The following CHST11 variants were observed in gnomAD, a reference collection of about 807,000 sequenced individuals.
CHST11 encodes carbohydrate sulfotransferase 11.
A neutral mutation model predicts 30.4 loss-of-function variants in CHST11; 9 were observed. That is an observed-to-expected ratio of 0.30 (90% CI 0.18 to 0.52). CHST11 has a LOEUF of 0.52. CHST11 is among the 20% of genes least tolerant of loss of function. CHST11 has a pLI of 0.97. For synonymous variants in CHST11, 152 were observed against 187.8 expected (o/e 0.81, Z 1.56); for missense variants, 348 against 460.6 (o/e 0.76, Z 2.24).
At chr12:104,580,349 T>C (rs930990558) in intron 1 of CHST11, among the ~76,000 whole-genome samples, 14 of 152,218 alleles carry the variant, frequency 9.2e-5, no homozygotes, top group African/African-American at 3.4e-4. Flanking sequence ...CTGGCTGATA[T>C]AGTAAAGCAT....
chr12:104,535,223 C>T (rs1244953866), intron 1 of CHST11, among the ~76,000 whole-genome samples: 1 of 152,120 alleles, frequency 6.6e-6, no homozygotes, highest in Non-Finnish European at 1.5e-5. Context: ...TTGATATTCT[C>T]ATAGAGATGC....
chr12:104,613,201 A>G (rs1381335415), intron 2 of CHST11, among the ~76,000 whole-genome samples: 2 of 143,238 alleles, frequency 1.4e-5, no homozygotes, highest in African/African-American at 4.9e-5. Flanking sequence ...CCTGTCTCAA[A>G]AAGAAAAAAA....
intron 1 of CHST11, among the ~76,000 whole-genome samples, chr12:104,539,947 T>C (rs2038271601): frequency 1.3e-5 from 2 of 152,176 alleles, no homozygotes; most frequent in Non-Finnish European, 2.9e-5. Flanking sequence ...GTGCTGGGAT[T>C]ACAAGTGTGA....
intron 2 of CHST11, among the ~76,000 whole-genome samples, chr12:104,607,462 G>A (rs144873204): frequency 3.3e-5 from 5 of 152,332 alleles, no homozygotes; most frequent in Admixed American, 3.3e-4. Context: ...AACCTGATAA[G>A]CGGTATATAA....
At chr12:104,687,609 G>A (rs181970114) in intron 2 of CHST11, among the ~76,000 whole-genome samples, 12 of 152,298 alleles carry the variant, frequency 7.9e-5, no homozygotes, top group Non-Finnish European at 1.3e-4. Flanking sequence ...CCTGGGCAGT[G>A]AGGAGGTACT....
intron 2 of CHST11, among the ~76,000 whole-genome samples, chr12:104,748,588 T>G (rs2040406435): frequency 6.8e-6 from 1 of 146,872 alleles, no homozygotes; most frequent in Non-Finnish European, 1.5e-5. Context: ...ACCTGGGGAG[T>G]GGAGTCGGGG....
chr12:104,747,227 G>T (rs992457337), intron 2 of CHST11, among the ~76,000 whole-genome samples: 8 of 152,192 alleles, frequency 5.3e-5, no homozygotes, highest in African/African-American at 1.9e-4. Flanking sequence ...CTCCCGGGTG[G>T]GTCTCCAGAC....
Position 104,618,226 on chromosome 12 carries a change from T to C in CHST11, c.204+16235T>C, listed in dbSNP as rs563510507. On this transcript the variant is annotated intron_variant, in intron 2 of 2. Coordinates refer to ENST00000303694, the MANE Select transcript of CHST11 (RefSeq NM_018413.6). ...CTGGCTTCTTCTTCTTTTCTTTTCT[T>C]TTTTTTTTTTTTTTTAAAGCAGGGT... Among the ~76,000 whole-genome samples the C allele has an allele frequency of 1.9e-4, 28 of 144,388 alleles. No homozygotes were observed. The East Asian group carries it at 2.4e-3, about 12-fold the overall frequency. The allele number at this position is 144,388 out of a possible 152,430, so 94.7% of individuals were successfully genotyped here. A position where few individuals can be genotyped will look rare whatever the true frequency, so the allele number is the denominator to read the frequency against.
chr12:104,516,561 C>A (rs1279796774), intron 1 of CHST11, among the ~76,000 whole-genome samples: 2 of 151,960 alleles, frequency 1.3e-5, no homozygotes, highest in African/African-American at 4.8e-5. Context: ...AGTGCCTGAG[C>A]CCCTGAGTCC....
chr12:104,536,970 A>T (rs2038243301), intron 1 of CHST11, among the ~76,000 whole-genome samples: 1 of 152,228 alleles, frequency 6.6e-6, no homozygotes, highest in South Asian at 2.1e-4. Context: ...CAGAGGCAGC[A>T]GTCCTAATAA....
intron 1 of CHST11, among the ~76,000 whole-genome samples, chr12:104,495,623 A>T (rs2037791869): frequency 6.6e-6 from 1 of 152,186 alleles, no homozygotes. Context: ...AAAATTGATA[A>T]CTACTATTTA....
Position 104,625,291 on chromosome 12 carries a change from CA to C in CHST11, c.204+23301del, listed in dbSNP as rs138017209. Among the ~76,000 whole-genome samples the C allele has an allele frequency of 8.3e-3, 1,259 of 152,244 alleles. 20 individuals carry two copies. Among genetic ancestry groups the C allele is most frequent in the African/African-American group, 0.029 (1,195 of 41,528 alleles). ...GCCTGACTCTGCTATTCAGAGATGC[CA>C]GTGACCATCCTTTTTCTTTTTCTTT... is the stretch of plus-strand genomic sequence containing the variant. On this transcript the variant is annotated intron_variant, in intron 2 of 2. Coordinates refer to ENST00000303694, the MANE Select transcript of CHST11 (RefSeq NM_018413.6).
At chr12:104,714,468 G>GA (rs1180221755) in intron 2 of CHST11, among the ~76,000 whole-genome samples, 5 of 152,218 alleles carry the variant, frequency 3.3e-5, no homozygotes, top group Non-Finnish European at 7.3e-5. Flanking sequence ...GCAAAGGTCA[G>GA]AAGCCTGATG....
intron 1 of CHST11, among the ~76,000 whole-genome samples, chr12:104,506,724 G>T (rs76345205): frequency 0.024 from 3,622 of 152,284 alleles, 142 homozygotes; most frequent in East Asian, 0.17. Flanking sequence ...AGGCGGGAGG[G>T]CTAAGAGGAC....
intron 2 of CHST11, among the ~76,000 whole-genome samples, chr12:104,641,360 T>A (rs1467437286): frequency 1.3e-5 from 2 of 152,180 alleles, no homozygotes; most frequent in African/African-American, 2.4e-5. Flanking sequence ...CTGTAACACT[T>A]CTTCCGGGGC....
At chr12:104,553,683 A>T (rs963206988) in intron 1 of CHST11, among the ~76,000 whole-genome samples, 1 of 151,972 alleles carries the variant, frequency 6.6e-6, no homozygotes, top group African/African-American at 2.4e-5. Flanking sequence ...CATGGGGGGA[A>T]ATCTGCCCCC....
intron 1 of CHST11, among the ~76,000 whole-genome samples, chr12:104,563,683 C>T (rs899169768): frequency 1.3e-5 from 2 of 152,006 alleles, no homozygotes; most frequent in African/African-American, 4.8e-5. Flanking sequence ...AGGAAATAAA[C>T]CCATCCTTCT....
chr12:104,615,840 A>T (rs1024249619), intron 2 of CHST11, among the ~76,000 whole-genome samples: 2 of 152,176 alleles, frequency 1.3e-5, no homozygotes, highest in Admixed American at 6.5e-5. Context: ...AAGCAGGAGA[A>T]TCGCTTGAAC....
intron 1 of CHST11, among the ~76,000 whole-genome samples, chr12:104,559,786 A>G (rs1223324499): frequency 6.6e-6 from 1 of 152,140 alleles, no homozygotes; most frequent in Non-Finnish European, 1.5e-5. Context: ...AAACACATGC[A>G]TGGTAAATAA....
Sources: gnomAD v4.1 joint callset for allele counts (sites outside exome capture counted in the v4.1 genomes callset) on GRCh38, gnomAD v4.1.1 for gene constraint, MANE v1.5 for transcripts, NCBI Gene and HGNC (gene_info 2026-07-23, HGNC 2026-07-21) for gene names.